MAP2: variants seen among roughly 807,000 people sequenced by gnomAD.
MAP2 encodes microtubule-associated protein 2.
A neutral mutation model predicts 137.6 loss-of-function variants in MAP2; 14 were observed. The observed-to-expected ratio is 0.10, with a 90% CI of 0.07 to 0.16. The LOEUF is 0.16. MAP2 is among the 10% of genes least tolerant of loss of function. The pLI is 1.00. For synonymous variants in MAP2, 786 were observed against 782.3 expected (o/e 1.00, Z -0.08); for missense variants, 2,088 against 2,191.5 (o/e 0.95, Z 0.94).
intron 1 of MAP2, among the ~76,000 whole-genome samples, chr2:209,488,134 C>G (rs754970579): frequency 1.3e-5 from 2 of 152,228 alleles, no homozygotes; most frequent in Middle Eastern, 3.4e-3. Flanking sequence ...CCATGGAGGT[C>G]GAGCAGAAGC....
intron 4 of MAP2, among the ~76,000 whole-genome samples, chr2:209,649,135 G>A (rs1369316177): frequency 6.6e-6 from 1 of 152,014 alleles, no homozygotes; most frequent in Non-Finnish European, 1.5e-5. Context: ...CTCAGTTGAA[G>A]TGATCCTCCC....
At chr2:209,568,234 A>G (rs1379630529) in intron 2 of MAP2, among the ~76,000 whole-genome samples, 1 of 151,968 alleles carries the variant, frequency 6.6e-6, no homozygotes, top group Admixed American at 6.6e-5. Context: ...TGTCCCCTCA[A>G]CAGCCAAGAG....
In MAP2 at chr2:209,575,070, A is replaced by G. The variant is rs190392798; in HGVS notation, c.-171-4966A>G. On this transcript the variant is annotated intron_variant, in intron 2 of 15. Coordinates refer to ENST00000682079, the MANE Select transcript of MAP2 (RefSeq NM_001375505.1). ...TTTAGCACATTTTAATACCAAGAGA[A>G]GGCATGATTTATCAAACAAACTCTT... Among the ~76,000 whole-genome samples, 30 of 152,338 alleles carry G rather than the reference A, an allele frequency of 2.0e-4. No homozygotes were observed. In the East Asian group the frequency reaches 5.6e-3, roughly 28 times the overall value.
intron 3 of MAP2, among the ~76,000 whole-genome samples, chr2:209,581,092 TTATAAG>T (rs552159695): frequency 3.9e-4 from 59 of 152,188 alleles, no homozygotes; most frequent in Non-Finnish European, 6.9e-4. Flanking sequence ...CACTGAAATA[TTATAAG>T]TATGTGAGTG....
At chr2:209,532,240 G>GAAAAAAAA (rs796126529) in intron 2 of MAP2, among the ~76,000 whole-genome samples, 1 of 72,696 alleles carries the variant, frequency 1.4e-5, no homozygotes, top group Non-Finnish European at 3.0e-5. Context: ...CCAGTCTCAG[G>GAAAAAAAA]AAAAAAAAAA....
chr2:209,595,008 C>T (rs2080854578), intron 3 of MAP2, among the ~76,000 whole-genome samples: 1 of 152,028 alleles, frequency 6.6e-6, no homozygotes, highest in Admixed American at 6.6e-5. Flanking sequence ...ACAAGGTGAT[C>T]CCAAGGAGAG....
chr2:209,577,270 C>A (rs2075507546), intron 2 of MAP2, among the ~76,000 whole-genome samples: 1 of 151,736 alleles, frequency 6.6e-6, no homozygotes, highest in South Asian at 2.1e-4. Context: ...TCACTAAAAC[C>A]TGAAATCTCT....
intron 1 of MAP2, among the ~76,000 whole-genome samples, chr2:209,433,591 C>A (rs1694905551): frequency 6.6e-6 from 1 of 152,056 alleles, no homozygotes; most frequent in Non-Finnish European, 1.5e-5. Flanking sequence ...CTCATAAAAG[C>A]TTTCAAAGAT....
chr2:209,638,986 C>A (rs569890485), intron 4 of MAP2, among the ~76,000 whole-genome samples: 1 of 152,098 alleles, frequency 6.6e-6, no homozygotes, highest in Non-Finnish European at 1.5e-5. Context: ...CATTAGAGAT[C>A]ATTATCAATC....
At chr2:209,452,991 T>C (rs34884270) in intron 1 of MAP2, among the ~76,000 whole-genome samples, 15,063 of 152,190 alleles carry the variant, frequency 0.099, 1,623 homozygotes, top group African/African-American at 0.27. Context: ...CTTTAATCTT[T>C]TGTTTTTGCT....
intron 2 of MAP2, among the ~76,000 whole-genome samples, chr2:209,550,326 G>T (rs1429461377): frequency 2.6e-5 from 4 of 152,000 alleles, no homozygotes; most frequent in Admixed American, 2.0e-4. Context: ...TATGATTATA[G>T]AAATAAAGTA....
rs776002418 is a variant in MAP2, at chr2:209,694,655, G to T, written c.2485G>T (p.Ala829Ser). 67 of 1,614,040 alleles carry T rather than the reference G, an allele frequency of 4.2e-5. No individual in the cohort carries two copies. The highest frequency in any genetic ancestry group is 5.5e-5 in the Non-Finnish European group (65 of 1,180,038). The change falls in exon 8 of 16, where the codon GCC (alanine) becomes TCC (serine). Residue 829 changes from alanine (A) to serine (S), a missense_variant. By Grantham distance (99) the Ala-to-Ser change is moderately conservative. Coordinates refer to ENST00000682079, the MANE Select transcript of MAP2 (RefSeq NM_001375505.1). ...LASVSADAEV[A>S]RRKSVPSETV... ...TTCTGTGAGTGCAGATGCTGAGGTT[G>T]CCAGGAGGAAATCAGTCCCATCAGA... is the stretch of plus-strand genomic sequence containing the variant.
intron 5 of MAP2, among the ~76,000 whole-genome samples, chr2:209,664,962 C>CAAAA (rs67286716): frequency 1.8e-3 from 94 of 51,602 alleles, no homozygotes; most frequent in Admixed American, 2.8e-3. Flanking sequence ...AACTCCGTCT[C>CAAAA]AAAAAAAAAA....
chr2:209,534,205 G>T (rs554062511), intron 2 of MAP2, among the ~76,000 whole-genome samples: 6 of 152,328 alleles, frequency 3.9e-5, no homozygotes, highest in Admixed American at 3.3e-4. Flanking sequence ...TATGTGTCCA[G>T]CACTGGCTAA....
chr2:209,530,361 T>A (rs1289684743), intron 2 of MAP2, among the ~76,000 whole-genome samples: 6 of 152,274 alleles, frequency 3.9e-5, no homozygotes, highest in Middle Eastern at 3.4e-3. Flanking sequence ...CAACTAACAT[T>A]TGAGGATTCT....
chr2:209,463,755 A>G (rs1327619096), intron 1 of MAP2, among the ~76,000 whole-genome samples: 2 of 152,142 alleles, frequency 1.3e-5, no homozygotes, highest in East Asian at 3.8e-4. Context: ...GAAATAATCT[A>G]TGGTAGTTGT....
intron 1 of MAP2, among the ~76,000 whole-genome samples, chr2:209,450,177 A>G (rs1056031098): frequency 5.3e-5 from 8 of 152,208 alleles, no homozygotes; most frequent in African/African-American, 1.7e-4. Flanking sequence ...CCCGACCTCA[A>G]GTAATCCACC....
At position 209,693,740 on chromosome 2, in the gene MAP2, C is replaced by A. The variant is rs1462212513; in HGVS notation, c.1570C>A (p.Pro524Thr). The change falls in exon 8 of 16, where the codon CCA becomes ACA. Residue 524 changes from proline (P) to threonine (T), a missense_variant. This residue lies in a region of MAP2 where 859 missense variants were observed against 794.5 expected (regional missense o/e 1.08). Coordinates refer to ENST00000682079, the MANE Select transcript of MAP2 (RefSeq NM_001375505.1). The stretch of plus-strand genomic sequence containing the variant: ...AACACTGGAGAAAGCCATGACCGAA[C>A]CATCTGCATTAATTGAAAAGAGCTC... ...SKTLEKAMTE[P>T]SALIEKSSIQ... 2 of 1,613,240 alleles carry A rather than the reference C, an allele frequency of 1.2e-6. No homozygotes were observed. Among genetic ancestry groups the A allele is most frequent in the South Asian group, 2.2e-5 (2 of 90,866 alleles).
intron 2 of MAP2, among the ~76,000 whole-genome samples, chr2:209,520,895 A>G (rs925885342): frequency 4.6e-5 from 7 of 152,072 alleles, no homozygotes; most frequent in South Asian, 2.1e-4. Flanking sequence ...TTTGAATGAC[A>G]CACTGTGCTA....
Sources: gnomAD v4.1 joint callset for allele counts (sites outside exome capture counted in the v4.1 genomes callset) on GRCh38, gnomAD v4.1.1 for gene constraint, gnomAD v4.1.1 regional missense constraint, MANE v1.5 for transcripts, NCBI Gene and HGNC (gene_info 2026-07-23, HGNC 2026-07-21) for gene names.